The following GATA4 variants were observed in gnomAD, a reference collection of about 807,000 sequenced individuals.
The protein encoded by GATA4 is GATA binding protein 4, also known as transcription factor GATA-4.
GATA4 carries 7 observed loss-of-function variants against 37.9 expected under a neutral mutation model. The ratio of observed to expected loss-of-function variants is 0.18; its 90% CI spans 0.11 to 0.35. The LOEUF (loss-of-function observed/expected upper bound fraction) is 0.35. GATA4 is among the 10% of genes least tolerant of loss of function. GATA4 has a pLI of 1.00. For missense variants in GATA4, 647 were observed against 653.0 expected (o/e 0.99, Z 0.10); for synonymous variants, 372 against 292.6 (o/e 1.27, Z -2.77).
At chr8:11,689,844 G>T (rs867803897), upstream of GATA4, among the ~76,000 whole-genome samples, 1 of 152,206 alleles carries the variant, frequency 6.6e-6, no homozygotes, top group South Asian at 2.1e-4. Context: ...ACATCAGGGC[G>T]AGGGAAGTTT....
intron 5 of GATA4, among the ~76,000 whole-genome samples, chr8:11,756,050 G>A (rs1802551315): frequency 6.6e-6 from 1 of 151,480 alleles, no homozygotes; most frequent in African/African-American, 2.4e-5. Flanking sequence ...ACAGAACAAC[G>A]GCTGTTCTTT....
At chr8:11,687,768 G>A (rs1381590748), upstream of GATA4, among the ~76,000 whole-genome samples, 2 of 152,170 alleles carry the variant, frequency 1.3e-5, no homozygotes, top group African/African-American at 2.4e-5. Flanking sequence ...GAGCTGATAT[G>A]TAATGGCTCT....
At chr8:11,686,226 T>G (rs1799131789) in intron 1 of GATA4, among the ~76,000 whole-genome samples, 1 of 151,520 alleles carries the variant, frequency 6.6e-6, no homozygotes, top group South Asian at 2.1e-4. Context: ...GTTTTTTTTT[T>G]TTTAATCTTA....
In GATA4 at chr8:11,748,980, G is replaced by C. The variant is rs1204548141; in HGVS notation, c.681G>C (p.Pro227=). 1 of 1,614,082 alleles carries C rather than the reference G, an allele frequency of 6.2e-7. No homozygotes were observed. The highest frequency in any genetic ancestry group is 1.1e-5 in the South Asian group (1 of 91,090). ...TCAACTGTGGGGCTATGTCCACCCC[G>C]CTCTGGAGGCGAGATGGGACGGGTC... ...ECVNCGAMST[P]LWRRDGTGHY... is the part of the protein sequence containing the mutation. Residue 227 remains proline, a synonymous_variant, in exon 3 of 7, where the codon CCG becomes CCC. Coordinates refer to ENST00000532059, the MANE Select transcript of GATA4 (RefSeq NM_001308093.3).
rs1229894636 is a variant in GATA4, at chr8:11,707,550, A to C, written c.-457-306A>C. On this transcript the variant is annotated intron_variant, in intron 1 of 6. Coordinates refer to ENST00000532059, the MANE Select transcript of GATA4 (RefSeq NM_001308093.3). This position sits in a 1 kb window ranked among gnomAD's most constrained non-coding sequence, Gnocchi z 4.7. The stretch of plus-strand genomic sequence containing the variant: ...TGCTTGCAGAATAAGGTAACATTAA[A>C]GTCCTTCCTGACAAGCAATACAAAA... 6.6e-6 allele frequency among the ~76,000 whole-genome samples: 1 copy of C among 152,182 alleles called. No individual in the cohort carries two copies. The highest frequency in any genetic ancestry group is 2.1e-4 in the South Asian group (1 of 4,832).
chr8:11,701,306 G>T (rs1799669239), upstream of GATA4, among the ~76,000 whole-genome samples: 1 of 150,772 alleles, frequency 6.6e-6, no homozygotes, highest in African/African-American at 2.4e-5. Flanking sequence ...CCTAGACTAC[G>T]GGAAAGGAAA....
chr8:11,713,117 T>A (rs1800273956), intron 2 of GATA4, among the ~76,000 whole-genome samples: 1 of 152,154 alleles, frequency 6.6e-6, no homozygotes. Flanking sequence ...ATGTTGGTTA[T>A]GTGAATAGGG....
chr8:11,688,690 A>G (rs1450602480), upstream of GATA4, among the ~76,000 whole-genome samples: 1 of 152,164 alleles, frequency 6.6e-6, no homozygotes, highest in Non-Finnish European at 1.5e-5. Flanking sequence ...ACAACTAGGA[A>G]CACATTGAGG....
At chr8:11,686,588 A>G (rs182372999) in intron 1 of GATA4, among the ~76,000 whole-genome samples, 119 of 152,306 alleles carry the variant, frequency 7.8e-4, no homozygotes, top group African/African-American at 2.2e-3. Flanking sequence ...CACCATAGCC[A>G]TCTTCATGTA....
intron 2 of GATA4, among the ~76,000 whole-genome samples, chr8:11,724,702 G>A (rs767242215): frequency 6.6e-6 from 1 of 150,730 alleles, no homozygotes. Context: ...AGTGCCTTAG[G>A]GACACATGCA....
Position 11,708,301 on chromosome 8 carries a change from C to T in GATA4, c.-12C>T, listed in dbSNP as rs529365266. On this transcript the variant is annotated 5_prime_UTR_variant, in exon 2 of 7. Coordinates refer to ENST00000532059, the MANE Select transcript of GATA4 (RefSeq NM_001308093.3). This position sits in a 1 kb window ranked among gnomAD's most constrained non-coding sequence, Gnocchi z 6.7. ...AGAGAGAGGACACCGAAGCCGGGAGCTCGCAGGGACCATGTATCAGAGCTT... is the reference window on the plus strand; with the variant it reads ...AGAGAGAGGACACCGAAGCCGGGAGTTCGCAGGGACCATGTATCAGAGCTT... 39 of 1,578,998 alleles carry T rather than the reference C, an allele frequency of 2.5e-5. No homozygotes were observed. In the Admixed American group the frequency reaches 6.6e-4, roughly 27 times the overall value.
intron 1 of GATA4, chr8:11,680,523 G>A: frequency 1.0e-6 from 1 of 985,478 alleles, no homozygotes; most frequent in African/African-American, 1.7e-5. Context: ...GGTCACCTCG[G>A]ACGGGTGTCG....
chr8:11,697,471 G>T, intron 1 of GATA4: 1 of 784,884 alleles, frequency 1.3e-6, no homozygotes, highest in Non-Finnish European at 1.5e-6. Flanking sequence ...TGGGGAAGCG[G>T]TGTTCGGAGG....
chr8:11,735,167 G>C (rs1801395719), intron 2 of GATA4, among the ~76,000 whole-genome samples: 1 of 152,342 alleles, frequency 6.6e-6, no homozygotes, highest in Admixed American at 6.5e-5. Flanking sequence ...TGAAAAAGCT[G>C]GTGGTGGGTT....
chr8:11,722,142 C>G (rs941178689), intron 2 of GATA4, among the ~76,000 whole-genome samples: 1 of 152,088 alleles, frequency 6.6e-6, no homozygotes, highest in African/African-American at 2.4e-5. Context: ...ACCACCACAC[C>G]CCACCTAAAT....
chr8:11,723,971 C>T lies in GATA4; in HGVS notation c.616+15043C>T, dbSNP rs994456366. On this transcript the variant is annotated intron_variant, in intron 2 of 6. Coordinates refer to ENST00000532059, the MANE Select transcript of GATA4 (RefSeq NM_001308093.3). Reference sequence around the variant, plus strand: ...CTCTGTACCCATTAAATAACGTCTCCGTATCCCCTTCCCTCCAGCCTCAGG... The same window carrying T: ...CTCTGTACCCATTAAATAACGTCTCTGTATCCCCTTCCCTCCAGCCTCAGG... 3.3e-5 allele frequency among the ~76,000 whole-genome samples: 5 copies of T among 152,150 alleles called. 1 individual carries two copies. Among genetic ancestry groups the T allele is most frequent in the Non-Finnish European group, 7.4e-5 (5 of 68,024 alleles).
intron 1 of GATA4, among the ~76,000 whole-genome samples, chr8:11,697,248 A>G (rs1201952123): frequency 6.6e-6 from 1 of 152,248 alleles, no homozygotes; most frequent in East Asian, 1.9e-4. Flanking sequence ...CTTCTGTCAA[A>G]CACACGCACA....
intron 2 of GATA4, among the ~76,000 whole-genome samples, chr8:11,729,265 G>C (rs1801087775): frequency 6.6e-6 from 1 of 151,570 alleles, no homozygotes; most frequent in Non-Finnish European, 1.5e-5. Flanking sequence ...CTCCAGTGAT[G>C]TTTGAACAAA....
chr8:11,739,641 C>T (rs1327866307), intron 2 of GATA4, among the ~76,000 whole-genome samples: 1 of 150,696 alleles, frequency 6.6e-6, no homozygotes. Context: ...GAAGCCGAGC[C>T]CTGGGAGTGA....
Sources: gnomAD v4.1 joint callset for allele counts (sites outside exome capture counted in the v4.1 genomes callset) on GRCh38, gnomAD v4.1.1 for gene constraint, Gnocchi (gnomAD v3.1) non-coding constraint, MANE v1.5 for transcripts, NCBI Gene and HGNC (gene_info 2026-07-23, HGNC 2026-07-21) for gene names.